Variants in PRKAG2 observed in about 807,000 individuals in gnomAD.
PRKAG2 encodes the protein protein kinase AMP-activated non-catalytic subunit gamma 2.
Under a neutral mutation model 69.6 loss-of-function variants are expected in PRKAG2, and 26 were observed. That is an observed-to-expected ratio of 0.37 (90% CI 0.27 to 0.52). PRKAG2 has a LOEUF of 0.52. Ranked by LOEUF, PRKAG2 falls within the 20% of genes least tolerant of loss-of-function variation. PRKAG2 has a pLI of 0.90. For synonymous variants in PRKAG2, 293 were observed against 285.0 expected, an observed-to-expected ratio of 1.03 and a Z score of -0.28; for missense variants, 557 against 740.0, an observed-to-expected ratio of 0.75 and a Z score of 2.87.
At chr7:151,637,796 T>A (rs1825987283) in intron 4 of PRKAG2, among the ~76,000 whole-genome samples, 1 of 151,166 alleles carries the variant, frequency 6.6e-6, no homozygotes, top group Non-Finnish European at 1.5e-5. Flanking sequence ...GTGCACAGGG[T>A]CAAAAGACAG....
In PRKAG2 at chr7:151,786,321, C is replaced by T. The variant is rs537745296; in HGVS notation, c.186+149G>A. ...GGCTTGGCCATGCGAGGTGAGCTGT[C>T]GCAGGATGGGCTCGGTTACGGCCAG... On this transcript the variant is annotated intron_variant, in intron 2 of 15. Coordinates refer to ENST00000287878, the MANE Select transcript of PRKAG2 (RefSeq NM_016203.4). 2.8e-4 allele frequency: 220 copies of T among 786,916 alleles called. 2 individuals are homozygous for T. In the South Asian group the frequency reaches 2.9e-3, roughly 10 times the overall value. 48.7% of individuals were successfully genotyped at this position (786,916 alleles called of 1,614,324 possible). A position where few individuals can be genotyped will look rare whatever the true frequency, so the allele number is the denominator to read the frequency against.
At chr7:151,741,301 G>C (rs889020090) in intron 3 of PRKAG2, among the ~76,000 whole-genome samples, 2 of 152,152 alleles carry the variant, frequency 1.3e-5, no homozygotes, top group Non-Finnish European at 2.9e-5. Flanking sequence ...ATAAGAAAGA[G>C]GCAGATTTGA....
Position 151,672,623 on chromosome 7 carries a change from T to C in PRKAG2, c.684+2797A>G, listed in dbSNP as rs576525187. ...CTAGGGACTCCTATAAGTGGCATTATGCAGTATGCGTCCTTTTGTGACTGG... is the reference window on the plus strand; with the variant it reads ...CTAGGGACTCCTATAAGTGGCATTACGCAGTATGCGTCCTTTTGTGACTGG... On this transcript the variant is annotated intron_variant, in intron 4 of 15. Transcript: ENST00000287878. Among the ~76,000 whole-genome samples, 93 of 152,230 alleles carry C rather than the reference T, an allele frequency of 6.1e-4. 1 individual carries two copies. Among genetic ancestry groups the C allele is most frequent in the African/African-American group, 2.1e-3 (89 of 41,540 alleles).
chr7:151,611,159 C>A (rs979191477), intron 5 of PRKAG2, among the ~76,000 whole-genome samples: 2 of 152,160 alleles, frequency 1.3e-5, no homozygotes, highest in Non-Finnish European at 2.9e-5. Context: ...AGAAGAGATG[C>A]GTGCAGGGTG....
intron 1 of PRKAG2, 117 bp from the exon 2 acceptor site, chr7:151,786,658 A>G (rs2077025771): frequency 2.4e-6 from 2 of 836,266 alleles, no homozygotes; most frequent in Admixed American, 2.0e-5. Flanking sequence ...CAAATCCACC[A>G]TGAAGAAGGG....
intron 3 of PRKAG2, among the ~76,000 whole-genome samples, chr7:151,677,215 T>G (rs1833080881): frequency 6.6e-6 from 1 of 152,152 alleles, no homozygotes; most frequent in South Asian, 2.1e-4. Flanking sequence ...GACAGAGTTT[T>G]CACTCTTGTC....
Position 151,556,170 on chromosome 7 carries a change from A to AC in PRKAG2, c.*1030_*1031insG, listed in dbSNP as rs1302101124. 1 of 113,966 alleles carries AC rather than the reference A, an allele frequency of 8.8e-6. No individual in the cohort carries two copies. Among genetic ancestry groups the AC allele is most frequent in the African/African-American group, 2.7e-5 (1 of 36,432 alleles). 7.1% of individuals were successfully genotyped at this position (113,966 alleles called of 1,614,324 possible). On this transcript the variant is annotated 3_prime_UTR_variant, in exon 16 of 16. Coordinates refer to ENST00000287878, the MANE Select transcript of PRKAG2 (RefSeq NM_016203.4). ...TTAATTTTTCAATCTGAAAAAAAAA[A>AC]ACCCAAAACAAAAAAAAAACAAACT...
chr7:151,749,376 C>A (rs531661312), intron 3 of PRKAG2, among the ~76,000 whole-genome samples: 1 of 152,224 alleles, frequency 6.6e-6, no homozygotes, highest in African/African-American at 2.4e-5. Flanking sequence ...ACCTCCCTCA[C>A]TCTCTCTGCT....
intron 1 of PRKAG2, among the ~76,000 whole-genome samples, chr7:151,845,429 A>C (rs1477318733): frequency 6.6e-6 from 1 of 150,444 alleles, no homozygotes; most frequent in Non-Finnish European, 1.5e-5. Flanking sequence ...CACATTCATG[A>C]ACCCGCCTCA....
At chr7:151,670,053 C>T (rs1353121736) in intron 4 of PRKAG2, among the ~76,000 whole-genome samples, 1 of 151,062 alleles carries the variant, frequency 6.6e-6, no homozygotes, top group Admixed American at 6.6e-5. Context: ...CACACCTGTG[C>T]ACATACCCGC....
intron 1 of PRKAG2, among the ~76,000 whole-genome samples, chr7:151,830,114 C>T (rs1035353092): frequency 7.4e-6 from 1 of 135,572 alleles, no homozygotes; most frequent in Non-Finnish European, 1.6e-5. Context: ...GACTGTTCCA[C>T]CTGGTTTTTT....
chr7:151,801,920 C>A (rs1237654581), intron 1 of PRKAG2, among the ~76,000 whole-genome samples: 1 of 152,198 alleles, frequency 6.6e-6, no homozygotes, highest in African/African-American at 2.4e-5. Flanking sequence ...TCTCTTGGGA[C>A]AGAGTTTGGA....
At chr7:151,721,119 A>G (rs1442087491) in intron 3 of PRKAG2, among the ~76,000 whole-genome samples, 1 of 151,392 alleles carries the variant, frequency 6.6e-6, no homozygotes, top group Non-Finnish European at 1.5e-5. Flanking sequence ...AGGATAGAGG[A>G]TGTCAGAGGG....
intron 5 of PRKAG2, among the ~76,000 whole-genome samples, chr7:151,612,759 C>G (rs1484712660): frequency 6.6e-6 from 1 of 152,242 alleles, no homozygotes; most frequent in Non-Finnish European, 1.5e-5. Flanking sequence ...CCCAAAGGCA[C>G]AGGTGCATGG....
chr7:151,857,399 CAAA>C (rs71198737), intron 1 of PRKAG2, among the ~76,000 whole-genome samples: 2 of 123,002 alleles, frequency 1.6e-5, no homozygotes, highest in African/African-American at 3.1e-5. Context: ...CTGGAAGTAC[CAAA>C]AAAAAAAAAA....
At chr7:151,868,675 A>G (rs963726727) in intron 1 of PRKAG2, among the ~76,000 whole-genome samples, 2 of 152,168 alleles carry the variant, frequency 1.3e-5, no homozygotes, top group African/African-American at 2.4e-5. Context: ...GGCCGAAGGG[A>G]GGGCGGAGGG....
chr7:151,588,984 A>T (rs897048194), intron 6 of PRKAG2, among the ~76,000 whole-genome samples: 1 of 151,654 alleles, frequency 6.6e-6, no homozygotes, highest in Admixed American at 6.6e-5. Flanking sequence ...CTCCATGCCC[A>T]TCCCTCTAAC....
At chr7:151,651,103 C>T (rs1828417907) in intron 4 of PRKAG2, among the ~76,000 whole-genome samples, 2 of 152,104 alleles carry the variant, frequency 1.3e-5, no homozygotes, top group Admixed American at 1.3e-4. Context: ...ATTTTGGAAA[C>T]CTTGTGTCTG....
At chr7:151,751,203 T>G (rs2151736343) in intron 3 of PRKAG2, among the ~76,000 whole-genome samples, 1 of 151,888 alleles carries the variant, frequency 6.6e-6, no homozygotes, top group South Asian at 2.1e-4. Flanking sequence ...GTTCATGCTA[T>G]TCTCCTGCCT....
Sources: gnomAD v4.1 joint callset for allele counts (sites outside exome capture counted in the v4.1 genomes callset) on GRCh38, gnomAD v4.1.1 for gene constraint, MANE v1.5 for transcripts, NCBI Gene and HGNC (gene_info 2026-07-23, HGNC 2026-07-21) for gene names.